WDR35: variants seen among roughly 807,000 people sequenced by gnomAD.
WDR35 encodes the protein WD repeat domain 35.
A neutral mutation model predicts 158.3 loss-of-function variants in WDR35; 118 were observed. The observed-to-expected ratio is 0.75, with a 90% CI of 0.64 to 0.87. The LOEUF (loss-of-function observed/expected upper bound fraction) is 0.87, where lower values mean the gene tolerates loss of function less well. Among genes scored for constraint, WDR35 ranks in the 40% least tolerant of loss-of-function variants. The pLI, the probability that WDR35 is intolerant of heterozygous loss-of-function variation, is 0.00. For synonymous variants in WDR35, 448 were observed against 476.1 expected (o/e 0.94, Z 0.77); for missense variants, 1,263 against 1,405.8 (o/e 0.90, Z 1.62).
Position 19,945,833 on chromosome 2 carries a change from T to C in WDR35, c.1798A>G (p.Met600Val), listed in dbSNP as rs751974091. ...WAKDNPDLFA[M>V]MEKTRMYVFR... ...ACATACATTCTTGTCTTCTCCATCA[T>C]TGCAAACAAATCAGGATTATCTTTG... is the stretch of plus-strand genomic sequence containing the variant. The change falls in exon 16 of 27, where the codon ATG becomes GTG. Residue 600 changes from methionine (M) to valine (V), a missense_variant. By Grantham distance (21) the Met-to-Val change is conservative. Transcript: ENST00000281405. 2.0e-5 allele frequency: 32 copies of C among 1,614,010 alleles called. No individual in the cohort carries two copies. Among genetic ancestry groups the C allele is most frequent in the East Asian group, 6.7e-5 (3 of 44,870 alleles).
intron 13 of WDR35, 21 bp from the exon 14 acceptor site, chr2:19,948,238 AT>A (rs1375337341): frequency 1.9e-6 from 3 of 1,602,216 alleles, no homozygotes; most frequent in Non-Finnish European, 2.6e-6. Flanking sequence ...TTAATCAATC[AT>A]TACTATTCAA....
In WDR35 at chr2:19,933,255, G is replaced by A. The variant is rs978598059; in HGVS notation, c.2658+146C>T. 5.6e-6 allele frequency: 4 copies of A among 711,410 alleles called. No homozygotes were observed. In the African/African-American group the frequency reaches 7.0e-5, roughly 13 times the overall value. 44.1% of individuals were successfully genotyped at this position (711,410 alleles called of 1,614,324 possible). On this transcript the variant is annotated intron_variant, in intron 22 of 26. Coordinates refer to ENST00000281405, the MANE Select transcript of WDR35 (RefSeq NM_020779.4). ...TCCTCAATTAAGAGAATACCCGCCT[G>A]GCTCCTTTCATAAAATTCACGTCAG...
At position 19,945,866 on chromosome 2, in the gene WDR35, T is replaced by G. The variant is rs1572337061; in HGVS notation, c.1765A>C (p.Lys589Gln). The stretch of plus-strand genomic sequence containing the variant: ...AAATCAGGATTATCTTTGGCCCACT[T>G]CATATCCCAGACATCTCTTCGTTCC... ...KLERRDVWDM[K>Q]WAKDNPDLFA... The change falls in exon 16 of 27, where the codon AAG becomes CAG. Residue 589 changes from lysine to glutamine, a missense_variant. Physicochemically the swap from Lys to Gln is moderately conservative, Grantham distance 53. Coordinates refer to ENST00000281405, the MANE Select transcript of WDR35 (RefSeq NM_020779.4). 1 of 1,613,922 alleles carries G rather than the reference T, an allele frequency of 6.2e-7. No homozygotes were observed. The highest frequency in any genetic ancestry group is 1.7e-5 in the Admixed American group (1 of 59,990).
At chr2:19,981,040 C>A (rs1459187084) in intron 3 of WDR35, among the ~76,000 whole-genome samples, 2 of 152,192 alleles carry the variant, frequency 1.3e-5, no homozygotes, top group East Asian at 3.8e-4. Flanking sequence ...GCTACCAGAA[C>A]TACCATATAC....
intron 2 of WDR35, among the ~76,000 whole-genome samples, chr2:19,988,201 CAA>C (rs1672632319): frequency 2.0e-5 from 3 of 152,270 alleles, no homozygotes; most frequent in African/African-American, 7.2e-5. Flanking sequence ...ACCTACTGCC[CAA>C]GATTATTGTG....
chr2:19,942,520 CCTTG>C (rs200917376), intron 16 of WDR35, among the ~76,000 whole-genome samples: 3,062 of 151,762 alleles, frequency 0.02, 93 homozygotes, highest in African/African-American at 0.069. Context: ...TGCCCTAGAT[CCTTG>C]TATAAACATG....
Position 19,974,543 on chromosome 2 carries a change from C to T in WDR35, c.661G>A (p.Glu221Lys), listed in dbSNP as rs779584262. 10 of 1,613,344 alleles carry T rather than the reference C, an allele frequency of 6.2e-6. 1 individual carries two copies. The Admixed American group carries it at 1.7e-4, about 27-fold the overall frequency. The change falls in exon 7 of 27, where the codon GAG becomes AAG. Residue 221 changes from glutamate (E) to lysine (K), a missense_variant. Transcript: ENST00000281405. ...ACAGCAAGGCAAGGGCAATCAGGCT[C>T]CACGTAGCCTTCTGTGCCATGGTAC... ...HWYHGTEGYVEPDCPCLAVCF... is the reference protein window; with the variant it reads ...HWYHGTEGYVKPDCPCLAVCF...
chr2:19,930,497 C>T lies in WDR35; in HGVS notation c.3020G>A (p.Arg1007His), dbSNP rs746764453. 11 of 1,614,116 alleles carry T rather than the reference C, an allele frequency of 6.8e-6. No individual in the cohort carries two copies. Among genetic ancestry groups the T allele is most frequent in the African/African-American group, 1.3e-5 (1 of 75,024 alleles). ...LEEEVLSTTD[R>H]FTDNAWRGAE... ...CCCTCTCCATGCATTATCTGTGAAA[C>T]GATCTGTTGTAGACAGAACTTCTTC... Residue 1007 changes from arginine to histidine, a missense_variant, in exon 25 of 27, where the codon CGT becomes CAT. Physicochemically the swap from Arg to His is conservative, Grantham distance 29 (BLOSUM62 0). Coordinates refer to ENST00000281405, the MANE Select transcript of WDR35 (RefSeq NM_020779.4).
intron 25 of WDR35, 124 bp downstream of exon 25, chr2:19,930,272 A>G (rs1670482802): frequency 7.0e-7 from 1 of 1,428,066 alleles, no homozygotes. Context: ...ACTCAAACAT[A>G]GGAAAATAAA....
At chr2:19,974,097 C>CA (rs773844344) in intron 7 of WDR35, among the ~76,000 whole-genome samples, 132 of 139,402 alleles carry the variant, frequency 9.5e-4, no homozygotes, top group South Asian at 3.6e-3. Flanking sequence ...GACCCTGTCG[C>CA]AAAAAAAAAA....
Position 19,953,743 on chromosome 2 carries a change from A to G in WDR35, c.1400+91T>C. 2.0e-6 allele frequency: 3 copies of G among 1,526,078 alleles called. No homozygotes were observed. The South Asian group carries it at 3.4e-5, about 17-fold the overall frequency. The allele number at this position is 1,526,078 out of a possible 1,614,324, so 94.5% of individuals were successfully genotyped here. ...AAACATTTCTACTAATCAAGACACTACAGTTATCAAGCATGACAATTTACA... is the reference window on the plus strand; with the variant it reads ...AAACATTTCTACTAATCAAGACACTGCAGTTATCAAGCATGACAATTTACA... On this transcript the variant is annotated intron_variant, in intron 12 of 26. Coordinates refer to ENST00000281405, the MANE Select transcript of WDR35 (RefSeq NM_020779.4).
At chr2:19,987,000 A>C (rs1434358520) in intron 2 of WDR35, among the ~76,000 whole-genome samples, 1 of 152,270 alleles carries the variant, frequency 6.6e-6, no homozygotes, top group Non-Finnish European at 1.5e-5. Flanking sequence ...ATGTGGAGAC[A>C]CCTAAATGTC....
In WDR35 at chr2:19,982,929, TATTC is replaced by T. The variant is rs534984906; in HGVS notation, c.143-399_143-396del. The stretch of plus-strand genomic sequence containing the variant: ...ACACAGAATCTTATATTCACTCATT[TATTC>T]ATTCATTTAACAAATATTTATGAAA... On this transcript the variant is annotated intron_variant, in intron 2 of 26. Transcript: ENST00000281405. Among the ~76,000 whole-genome samples the T allele has an allele frequency of 2.4e-4, 37 of 152,338 alleles. 1 individual carries two copies. The South Asian group carries it at 7.7e-3, about 32-fold the overall frequency.
At chr2:19,962,353 G>A (rs766821490) in intron 10 of WDR35, 11 of 1,611,676 alleles carry the variant, frequency 6.8e-6, no homozygotes, top group Non-Finnish European at 9.3e-6. Flanking sequence ...TAAATGACAG[G>A]AGAAATTCAG....
Position 19,913,548 on chromosome 2 carries a change from T to C in WDR35, c.*10A>G. 6.2e-6 allele frequency: 10 copies of C among 1,614,022 alleles called. No individual in the cohort carries two copies. Among genetic ancestry groups the C allele is most frequent in the Non-Finnish European group, 8.5e-6 (10 of 1,179,914 alleles). On this transcript the variant is annotated 3_prime_UTR_variant, in exon 27 of 27. Transcript: ENST00000281405. ...ATATATTTTACAGTTATATACAGTT[T>C]ATCATTCCTTTATCCCACTGGACTA... is the stretch of plus-strand genomic sequence containing the variant.
intron 9 of WDR35, 121 bp from the exon 10 acceptor site, chr2:19,967,030 G>T: frequency 3.3e-6 from 3 of 909,410 alleles, no homozygotes; most frequent in Non-Finnish European, 3.4e-6. Flanking sequence ...ATTTATCACT[G>T]CTGACAAAAT....
At chr2:19,940,973 A>G (rs1670853692) in intron 17 of WDR35, among the ~76,000 whole-genome samples, 1 of 152,200 alleles carries the variant, frequency 6.6e-6, no homozygotes, top group Non-Finnish European at 1.5e-5. Context: ...CATGGTGGTT[A>G]TGATATAGAA....
intron 10 of WDR35, among the ~76,000 whole-genome samples, chr2:19,964,597 C>T (rs1244852873): frequency 6.6e-6 from 1 of 151,164 alleles, no homozygotes; most frequent in Non-Finnish European, 1.5e-5. Context: ...TTGCCCAGGC[C>T]GGTCTCGAAC....
intron 25 of WDR35, among the ~76,000 whole-genome samples, chr2:19,915,405 C>T (rs1669958636): frequency 1.3e-5 from 2 of 148,478 alleles, no homozygotes; most frequent in Admixed American, 1.3e-4. Flanking sequence ...ATTTACAGGT[C>T]ATACATTGTT....
Sources: allele counts gnomAD v4.1 joint callset (sites outside exome capture counted in the v4.1 genomes callset), GRCh38; gene constraint gnomAD v4.1.1; transcripts MANE v1.5; gene names NCBI Gene and HGNC (gene_info 2026-07-23, HGNC 2026-07-21).